The following UBE2Q1 variants were observed in gnomAD, a reference collection of about 807,000 sequenced individuals.
The protein encoded by UBE2Q1 is ubiquitin-conjugating enzyme E2 Q1.
UBE2Q1 carries 6 observed loss-of-function variants against 60.1 expected under a neutral mutation model. The observed-to-expected ratio is 0.10, with a 90% CI of 0.05 to 0.20. The LOEUF is 0.20. Ranked by LOEUF, UBE2Q1 falls within the 10% of genes least tolerant of loss-of-function variation. The pLI is 1.00. For missense variants in UBE2Q1, 262 were observed against 525.8 expected (o/e 0.50, Z 4.91); for synonymous variants, 226 against 208.3 (o/e 1.09, Z -0.73).
intron 1 of UBE2Q1, 151 bp downstream of exon 1, chr1:154,558,076 G>A: frequency 1.6e-6 from 1 of 607,238 alleles, no homozygotes; most frequent in Non-Finnish European, 2.7e-6. Flanking sequence ...ATAACCTCAA[G>A]CAGCAGAAAC....
chr1:154,555,837 C>T (rs1333048363), intron 2 of UBE2Q1, 23 bp downstream of exon 2: 3 of 1,605,538 alleles, frequency 1.9e-6, no homozygotes, highest in Non-Finnish European at 2.6e-6. Context: ...ACAAAATGTA[C>T]CCCTACCCTG....
At chr1:154,550,710 A>AG in intron 12 of UBE2Q1, 1 of 985,366 alleles carries the variant, frequency 1.0e-6, no homozygotes, top group South Asian at 4.7e-5. Context: ...GTGGTCAAGA[A>AG]GGGGGTAGCA....
intron 3 of UBE2Q1, chr1:154,555,080 ATCT>A: frequency 3.8e-6 from 2 of 522,536 alleles, no homozygotes; most frequent in Admixed American, 6.5e-5. Context: ...CCTTTACTTG[ATCT>A]TCTTTAGACT....
At chr1:154,551,050 T>G in intron 11 of UBE2Q1, 46 bp from the exon 12 acceptor site, 1 of 1,608,064 alleles carries the variant, frequency 6.2e-7, no homozygotes, top group Admixed American at 1.7e-5. Flanking sequence ...AGCTGTGGCC[T>G]TACTGCCCCT....
At chr1:154,554,811 G>C (rs552352093) in intron 3 of UBE2Q1, 26 bp from the exon 4 acceptor site, 1 of 1,611,562 alleles carries the variant, frequency 6.2e-7, no homozygotes, top group South Asian at 1.1e-5. Flanking sequence ...GAAAGATGGA[G>C]ATCAGAGCCC....
In UBE2Q1 at chr1:154,552,108, A is replaced by C; in HGVS notation, c.951T>G (p.Leu317=). 1 of 1,614,252 alleles carries C rather than the reference A, an allele frequency of 6.2e-7. No individual in the cohort carries two copies. ...KEKEGADFIL[L]NFSFKDNFPF... ...AAAGTCTTACTTTAAAGGAAAAGTT[A>C]AGTAGAATGAAGTCGGCTCCTTCTT... The change falls in exon 8 of 13, where the codon CTT becomes CTG. Residue 317 remains leucine (L), a synonymous_variant. Coordinates refer to ENST00000292211, the MANE Select transcript of UBE2Q1 (RefSeq NM_017582.7).
intron 1 of UBE2Q1, among the ~76,000 whole-genome samples, chr1:154,557,301 G>C (rs1236190459): frequency 6.6e-6 from 1 of 152,228 alleles, no homozygotes; most frequent in Non-Finnish European, 1.5e-5. Flanking sequence ...TGCTCCGGTA[G>C]AGAGAATACC....
chr1:154,558,612 G>GCGCCGCCGCCGCCGCCGCCGCCGC lies in UBE2Q1; in HGVS notation c.-60_-59insGCGGCGGCGGCGGCGGCGGCGGCG, dbSNP rs1486825151. On this transcript the variant is annotated 5_prime_UTR_variant, in exon 1 of 13. Transcript: ENST00000292211. ...CGGGAGCCTCCGGCCTGCGCTCCGG[G>GCGCCGCCGCCGCCGCCGCCGCCGC]CTCCGCCGCCGCCGCCGCCGCCGCC... 2 of 946,212 alleles carry GCGCCGCCGCCGCCGCCGCCGCCGC rather than the reference G, an allele frequency of 2.1e-6. No individual in the cohort carries two copies. The highest frequency in any genetic ancestry group is 1.4e-4 in the East Asian group (1 of 6,924). The allele number at this position is 946,212 out of a possible 1,614,324, so 58.6% of individuals were successfully genotyped here.
chr1:154,556,207 C>T (rs1335019603), intron 1 of UBE2Q1, among the ~76,000 whole-genome samples: 1 of 152,108 alleles, frequency 6.6e-6, no homozygotes, highest in African/African-American at 2.4e-5. Context: ...CCTTTTCTTT[C>T]TTTCCTCGAG....
Position 154,550,281 on chromosome 1 carries a change from G to T in UBE2Q1, c.*157C>A. ...TCTGTGTTTGTTTTTTTTCCTTAGCGTTTAGAATAGCCATCATTGTCCTGC... is the reference window on the plus strand; with the variant it reads ...TCTGTGTTTGTTTTTTTTCCTTAGCTTTTAGAATAGCCATCATTGTCCTGC... On this transcript the variant is annotated 3_prime_UTR_variant, in exon 13 of 13. Coordinates refer to ENST00000292211, the MANE Select transcript of UBE2Q1 (RefSeq NM_017582.7). 1 of 1,002,220 alleles carries T rather than the reference G, an allele frequency of 1.0e-6. No homozygotes were observed. The highest frequency in any genetic ancestry group is 1.6e-5 in the African/African-American group (1 of 61,558). 62.1% of individuals were successfully genotyped at this position (1,002,220 alleles called of 1,614,324 possible). A position where few individuals can be genotyped will look rare whatever the true frequency, so the allele number is the denominator to read the frequency against.
intron 1 of UBE2Q1, among the ~76,000 whole-genome samples, chr1:154,556,830 G>T (rs1166693440): frequency 6.6e-6 from 1 of 152,160 alleles, no homozygotes; most frequent in Non-Finnish European, 1.5e-5. Context: ...CTGGATAGGG[G>T]CAAACCTACC....
chr1:154,558,643 CGCCGCG>C lies in UBE2Q1; in HGVS notation c.-96_-91del, dbSNP rs1158826045. 1 of 962,576 alleles carries C rather than the reference CGCCGCG, an allele frequency of 1.0e-6. No individual in the cohort carries two copies. The highest frequency in any genetic ancestry group is 1.2e-6 in the Non-Finnish European group (1 of 807,888). The allele number at this position is 962,576 out of a possible 1,614,324, so 59.6% of individuals were successfully genotyped here. On this transcript the variant is annotated 5_prime_UTR_variant, in exon 1 of 13. Transcript: ENST00000292211. ...CCGCCGCCGCCGCCGCCGCCGCCGC[CGCCGCG>C]GTCCGCACTTCCTGATCCCCCCTTC...
At position 154,551,277 on chromosome 1, in the gene UBE2Q1, A is replaced by G. The variant is rs1020017289; in HGVS notation, c.1170+120T>C. 5.4e-6 allele frequency: 6 copies of G among 1,105,462 alleles called. No homozygotes were observed. In the African/African-American group the frequency reaches 6.1e-5, roughly 11 times the overall value. 68.5% of individuals were successfully genotyped at this position (1,105,462 alleles called of 1,614,324 possible). ...TGGGCACCCTAGGCCCTCTCATCCA[A>G]TGCCACCAGCCCGGGGGCCTTATGC... is the stretch of plus-strand genomic sequence containing the variant. On this transcript the variant is annotated intron_variant, in intron 11 of 12. Transcript: ENST00000292211.
intron 1 of UBE2Q1, 40 bp downstream of exon 1, chr1:154,558,187 C>A (rs767219873): frequency 2.1e-6 from 3 of 1,461,684 alleles, no homozygotes; most frequent in African/African-American, 3.0e-5. Flanking sequence ...GGGTCCCTGA[C>A]AAGGGGCCCC....
At chr1:154,555,122 G>A (rs1695860121) in intron 3 of UBE2Q1, 5 of 545,360 alleles carry the variant, frequency 9.2e-6, no homozygotes, top group South Asian at 4.8e-5. Context: ...CTCACCAAGG[G>A]GCCTGGGTCC....
At chr1:154,550,849 C>T in intron 12 of UBE2Q1, 89 bp downstream of exon 12, 1 of 1,607,474 alleles carries the variant, frequency 6.2e-7, no homozygotes, top group South Asian at 1.1e-5. Context: ...TATCAGAAAC[C>T]AAAAGAAGGG....
chr1:154,552,424 A>G lies in UBE2Q1; in HGVS notation c.855T>C (p.Asp285=), dbSNP rs760615541. 24 of 1,614,112 alleles carry G rather than the reference A, an allele frequency of 1.5e-5. No homozygotes were observed. The highest frequency in any genetic ancestry group is 2.2e-5 in the East Asian group (1 of 44,898). Residue 285 remains aspartate (D), a synonymous_variant, in exon 7 of 13, where the codon GAT becomes GAC. Transcript: ENST00000292211. ...AVELVNDSLY[D]WNVKLLKVDQ... ...CTCACTTGAGGAGTTTGACATTCCA[A>G]TCATACAGACTGTCATTCACGAGTT...
chr1:154,555,959 T>A lies in UBE2Q1; in HGVS notation c.333A>T (p.Ser111=), dbSNP rs1188040861. 1.9e-6 allele frequency: 3 copies of A among 1,613,944 alleles called. No homozygotes were observed. Among genetic ancestry groups the A allele is most frequent in the Non-Finnish European group, 2.5e-6 (3 of 1,179,960 alleles). ...ACCAGATGGGGGGCACAGCAGGGTATGACTCCTGAAGGGAAAAGAGCAATA... is the reference window on the plus strand; with the variant it reads ...ACCAGATGGGGGGCACAGCAGGGTAAGACTCCTGAAGGGAAAAGAGCAATA... ...PVRIHCNITE[S]YPAVPPIWSV... Residue 111 remains serine, a synonymous_variant, in exon 2 of 13, where the codon TCA becomes TCT. Transcript: ENST00000292211.
chr1:154,550,502 G>GT (rs980301405), intron 12 of UBE2Q1, 33 bp from the exon 13 acceptor site: 1 of 1,613,456 alleles, frequency 6.2e-7, no homozygotes, highest in African/African-American at 1.3e-5. Flanking sequence ...GTGAGGTGAA[G>GT]GTTCAGGCCC....
Sources: gnomAD v4.1 joint callset for allele counts (sites outside exome capture counted in the v4.1 genomes callset) on GRCh38, gnomAD v4.1.1 for gene constraint, MANE v1.5 for transcripts, NCBI Gene and HGNC (gene_info 2026-07-23, HGNC 2026-07-21) for gene names.